Variants in TEAD2 observed in about 807,000 individuals in gnomAD.
TEAD2 encodes TEA domain transcription factor 2, also known as transcriptional enhancer factor TEF-4.
In TEAD2, 51 loss-of-function variants were observed where a neutral mutation model predicts 61.4. The ratio of observed to expected loss-of-function variants is 0.83; its 90% CI spans 0.66 to 1.05. The LOEUF (loss-of-function observed/expected upper bound fraction) is 1.05. TEAD2 is among the 50% of genes least tolerant of loss of function. The pLI is 0.00. For synonymous variants in TEAD2, 244 were observed against 243.2 expected, an observed-to-expected ratio of 1.00 and a Z score of -0.03; for missense variants, 509 against 600.0, an observed-to-expected ratio of 0.85 and a Z score of 1.58.
chr19:49,359,651 T>C lies in TEAD2; in HGVS notation c.233-152A>G, dbSNP rs1972679688. 3 of 1,090,138 alleles carry C rather than the reference T, an allele frequency of 2.8e-6. No individual in the cohort carries two copies. Among genetic ancestry groups the C allele is most frequent in the Non-Finnish European group, 1.4e-6 (1 of 735,254 alleles). 67.5% of individuals were successfully genotyped at this position (1,090,138 alleles called of 1,614,324 possible). A position where few individuals can be genotyped will look rare whatever the true frequency, so the allele number is the denominator to read the frequency against. ...CTCAGCTACGTGGAAGCCAGACTGC[T>C]TGGGTTCAAATCCCAGCTCCATCAC... On this transcript the variant is annotated intron_variant, in intron 2 of 12. Coordinates refer to ENST00000593945, the MANE Select transcript of TEAD2 (RefSeq NM_001256660.2). The surrounding 1 kb of genome is among the most constrained non-coding windows in gnomAD (Gnocchi z 4.1).
intron 10 of TEAD2, among the ~76,000 whole-genome samples, chr19:49,344,261 T>C (rs1457666347): frequency 2.6e-5 from 4 of 151,848 alleles, no homozygotes; most frequent in South Asian, 4.1e-4. Flanking sequence ...AAAGGAGCCC[T>C]GGAATTCAAT....
intron 7 of TEAD2, among the ~76,000 whole-genome samples, chr19:49,354,023 C>T (rs1972207314): frequency 6.7e-6 from 1 of 149,696 alleles, no homozygotes; most frequent in African/African-American, 2.5e-5. Context: ...TGGTCTCGAT[C>T]TCCTGACCTC....
chr19:49,355,212 T>C lies in TEAD2; in HGVS notation c.481-6A>G, dbSNP rs150107039. ...AACTGGAAAAGCTCAGAGGCCTGGATAGGACACAAAGAAAAATGGTTGGTC... is the reference window on the plus strand; with the variant it reads ...AACTGGAAAAGCTCAGAGGCCTGGACAGGACACAAAGAAAAATGGTTGGTC... On this transcript the variant is annotated splice_region_variant and splice_polypyrimidine_tract_variant and intron_variant, in intron 6 of 12. Coordinates refer to ENST00000593945, the MANE Select transcript of TEAD2 (RefSeq NM_001256660.2). The C allele has an allele frequency of 1.8e-5, 29 of 1,613,406 alleles. No individual in the cohort carries two copies. Among genetic ancestry groups the C allele is most frequent in the Admixed American group, 1.7e-4 (10 of 59,924 alleles).
chr19:49,355,590 C>A (rs1972336501), intron 5 of TEAD2, among the ~76,000 whole-genome samples, 171 bp from the exon 6 acceptor site: 1 of 152,008 alleles, frequency 6.6e-6, no homozygotes, highest in African/African-American at 2.4e-5. Context: ...ACTCTGGGAG[C>A]CGGAGGCGGG....
chr19:49,362,210 G>C (rs1057078509), intron 1 of TEAD2, 123 bp downstream of exon 1: 1 of 152,650 alleles, frequency 6.6e-6, no homozygotes, highest in Non-Finnish European at 1.5e-5. Flanking sequence ...TCCTCACTGA[G>C]GCTCGGTCAC....
At chr19:49,344,797 G>A (rs534633357) in intron 10 of TEAD2, among the ~76,000 whole-genome samples, 6 of 152,168 alleles carry the variant, frequency 3.9e-5, no homozygotes, top group South Asian at 2.1e-4. Flanking sequence ...CTTCCCCCTC[G>A]GCCAAATCTG....
chr19:49,349,325 T>C (rs1174929328), intron 8 of TEAD2, among the ~76,000 whole-genome samples: 2 of 152,006 alleles, frequency 1.3e-5, no homozygotes, highest in African/African-American at 4.8e-5. Context: ...TAGCTGGGCA[T>C]GGTGGCACGT....
chr19:49,351,388 G>C, intron 7 of TEAD2, 23 bp from the exon 8 acceptor site: 1 of 1,596,674 alleles, frequency 6.3e-7, no homozygotes, highest in Admixed American at 1.8e-5. Context: ...GGAAGCCAGG[G>C]GTTAGCCAGG....
rs1229954190 is a variant in TEAD2, at chr19:49,358,318, GGCA to G, written c.298-1007_298-1005del. 1.6e-4 allele frequency among the ~76,000 whole-genome samples: 24 copies of G among 151,872 alleles called. 1 individual carries two copies. The highest frequency in any genetic ancestry group is 1.6e-3 in the Admixed American group (24 of 15,242). ...TAATCCCAGATACTTGGAAGGCTGA[GGCA>G]GCAGAATCGCTTGAACCCGGAAGGC... On this transcript the variant is annotated intron_variant, in intron 3 of 12. Transcript: ENST00000593945.
intron 3 of TEAD2, among the ~76,000 whole-genome samples, chr19:49,358,051 G>T (rs1044874724): frequency 1.3e-5 from 2 of 151,984 alleles, no homozygotes; most frequent in African/African-American, 4.8e-5. Flanking sequence ...TGCCCAGCAT[G>T]GCGATACCCT....
chr19:49,353,144 G>C (rs1972131828), intron 7 of TEAD2, among the ~76,000 whole-genome samples: 1 of 151,082 alleles, frequency 6.6e-6, no homozygotes, highest in African/African-American at 2.4e-5. Context: ...TGTTGCCCAG[G>C]CTGGAGTGCA....
chr19:49,359,641 G>T lies in TEAD2; in HGVS notation c.233-142C>A. On this transcript the variant is annotated intron_variant, in intron 2 of 12. Coordinates refer to ENST00000593945, the MANE Select transcript of TEAD2 (RefSeq NM_001256660.2). The surrounding 1 kb of genome is among the most constrained non-coding windows in gnomAD (Gnocchi z 4.1). Reference sequence around the variant, plus strand: ...TGCCGGTCCCCTCAGCTACGTGGAAGCCAGACTGCTTGGGTTCAAATCCCA... The same window carrying T: ...TGCCGGTCCCCTCAGCTACGTGGAATCCAGACTGCTTGGGTTCAAATCCCA... 2.7e-6 allele frequency: 3 copies of T among 1,104,020 alleles called. No individual in the cohort carries two copies. The highest frequency in any genetic ancestry group is 2.7e-6 in the Non-Finnish European group (2 of 744,904). 68.4% of individuals were successfully genotyped at this position (1,104,020 alleles called of 1,614,324 possible). A position where few individuals can be genotyped will look rare whatever the true frequency, so the allele number is the denominator to read the frequency against.
chr19:49,351,279 A>C, intron 8 of TEAD2, 22 bp downstream of exon 8: 1 of 1,607,264 alleles, frequency 6.2e-7, no homozygotes, highest in Non-Finnish European at 8.5e-7. Flanking sequence ...GAGACAAGGG[A>C]GGGTGGAGCG....
intron 7 of TEAD2, among the ~76,000 whole-genome samples, chr19:49,352,915 G>A (rs185173435): frequency 2.4e-4 from 37 of 151,966 alleles, no homozygotes; most frequent in Admixed American, 2.2e-3. Context: ...ATGAAGCTCC[G>A]TGAAGGCAGG....
chr19:49,348,292 G>T (rs1033944733), intron 9 of TEAD2, among the ~76,000 whole-genome samples: 1 of 152,196 alleles, frequency 6.6e-6, no homozygotes, highest in Non-Finnish European at 1.5e-5. Flanking sequence ...CCTAGCCCAG[G>T]AGAAGCTCAA....
chr19:49,342,434 T>C lies in TEAD2; in HGVS notation c.1242+4A>G. 6.2e-7 allele frequency: 1 copy of C among 1,612,346 alleles called. No homozygotes were observed. The highest frequency in any genetic ancestry group is 8.5e-7 in the Non-Finnish European group (1 of 1,178,518). On this transcript the variant is annotated splice_donor_region_variant and intron_variant, in intron 12 of 12. Coordinates refer to ENST00000593945, the MANE Select transcript of TEAD2 (RefSeq NM_001256660.2). ...CCCCACTCCAGCCCAGCCCCAGGCA[T>C]CACCTGGAGGATGGTGAAGTTTTCC...
Position 49,359,909 on chromosome 19 carries a change from G to A in TEAD2, c.167C>T (p.Ala56Val). The change falls in exon 2 of 13, where the codon GCC (alanine) becomes GTC (valine). Residue 56 changes from alanine to valine, a missense_variant. Transcript: ENST00000593945. The surrounding 1 kb of genome is among the most constrained non-coding windows in gnomAD (Gnocchi z 4.1). Reference sequence around the variant, plus strand: ...GCCGCAGGGTGGATAGATGGCCAGGGCCTCCTGGAAGCTCTGCTCAATGTC... The same window carrying A: ...GCCGCAGGGTGGATAGATGGCCAGGACCTCCTGGAAGCTCTGCTCAATGTC... ...SPDIEQSFQE[A>V]LAIYPPCGRR... 1 of 1,613,372 alleles carries A rather than the reference G, an allele frequency of 6.2e-7. No individual in the cohort carries two copies. Among genetic ancestry groups the A allele is most frequent in the Non-Finnish European group, 8.5e-7 (1 of 1,180,032 alleles).
At chr19:49,352,100 G>A (rs1025572277) in intron 7 of TEAD2, among the ~76,000 whole-genome samples, 28 of 151,964 alleles carry the variant, frequency 1.8e-4, no homozygotes, top group African/African-American at 6.8e-4. Context: ...AGGGTGGGAA[G>A]AAAATGACCA....
chr19:49,343,175 C>G, intron 11 of TEAD2, 56 bp downstream of exon 11: 1 of 1,542,338 alleles, frequency 6.5e-7, no homozygotes, highest in Non-Finnish European at 8.7e-7. Flanking sequence ...ATGATGGCTT[C>G]TGGTCCATTC....
Sources: allele counts gnomAD v4.1 joint callset (sites outside exome capture counted in the v4.1 genomes callset), GRCh38; gene constraint gnomAD v4.1.1; non-coding constraint Gnocchi (gnomAD v3.1); transcripts MANE v1.5; gene names NCBI Gene and HGNC (gene_info 2026-07-23, HGNC 2026-07-21).